CEP70: variants seen among roughly 807,000 people sequenced by gnomAD.
CEP70 encodes centrosomal protein of 70 kDa.
A neutral mutation model predicts 90.9 loss-of-function variants in CEP70; 70 were observed. That is an observed-to-expected ratio of 0.77 (90% CI 0.64 to 0.94). CEP70 has a LOEUF of 0.94. Ranked by LOEUF, CEP70 falls within the 40% of genes least tolerant of loss-of-function variation. The pLI, the probability that CEP70 is intolerant of heterozygous loss-of-function variation, is 0.00. For missense variants in CEP70, 648 were observed against 669.0 expected, an observed-to-expected ratio of 0.97 and a Z score of 0.35; for synonymous variants, 220 against 228.3, an observed-to-expected ratio of 0.96 and a Z score of 0.33.
chr3:138,561,529 T>C (rs1454061329), intron 6 of CEP70, among the ~76,000 whole-genome samples: 1 of 151,968 alleles, frequency 6.6e-6, no homozygotes, highest in Non-Finnish European at 1.5e-5. Flanking sequence ...CAAAACTGGA[T>C]GGAGAATGAG....
intron 2 of CEP70, among the ~76,000 whole-genome samples, chr3:138,589,100 T>TG (rs750290483): frequency 1.1e-4 from 16 of 152,078 alleles, no homozygotes; most frequent in Non-Finnish European, 2.4e-4. Context: ...CAAGGGAATT[T>TG]GGGGGGATGA....
intron 2 of CEP70, among the ~76,000 whole-genome samples, chr3:138,578,752 C>T (rs976506305): frequency 1.2e-4 from 18 of 152,144 alleles, no homozygotes; most frequent in African/African-American, 4.1e-4. Context: ...ACTAATTTTA[C>T]ATAAAAGTGA....
At chr3:138,533,602 CAAA>C in intron 7 of CEP70, among the ~76,000 whole-genome samples, 1 of 151,964 alleles carries the variant, frequency 6.6e-6, no homozygotes, top group East Asian at 1.9e-4. Context: ...CAACAATACA[CAAA>C]GAAGAACTGT....
chr3:138,502,450 A>G (rs1456215472), intron 13 of CEP70, among the ~76,000 whole-genome samples: 1 of 152,118 alleles, frequency 6.6e-6, no homozygotes, highest in East Asian at 1.9e-4. Flanking sequence ...TAACCTTTCA[A>G]TTGGTAGGAA....
At chr3:138,581,664 G>A (rs2041862772) in intron 2 of CEP70, among the ~76,000 whole-genome samples, 2 of 130,306 alleles carry the variant, frequency 1.5e-5, no homozygotes, top group South Asian at 2.6e-4. Context: ...GATCGCACCT[G>A]AGTCAGGGTG....
chr3:138,531,714 T>C (rs2037830462), intron 8 of CEP70: 4 of 150,554 alleles, frequency 2.7e-5, no homozygotes, highest in Admixed American at 2.6e-4. Context: ...TTTTTTTTTT[T>C]TGGAGTCCCC....
chr3:138,547,357 G>A (rs1203356235), intron 6 of CEP70, among the ~76,000 whole-genome samples: 1 of 152,212 alleles, frequency 6.6e-6, no homozygotes, highest in African/African-American at 2.4e-5. Flanking sequence ...TGGAACATAC[G>A]AGTTTCTGCT....
intron 6 of CEP70, among the ~76,000 whole-genome samples, chr3:138,540,181 C>G (rs1265446281): frequency 1.3e-5 from 2 of 151,968 alleles, no homozygotes; most frequent in African/African-American, 4.8e-5. Flanking sequence ...ATTATACATG[C>G]AGCCAACAAG....
intron 6 of CEP70, among the ~76,000 whole-genome samples, chr3:138,562,464 G>C (rs945468019): frequency 6.6e-6 from 1 of 152,154 alleles, no homozygotes; most frequent in Non-Finnish European, 1.5e-5. Flanking sequence ...AGAGAAAAAG[G>C]TTGGGGTTAC....
intron 6 of CEP70, among the ~76,000 whole-genome samples, chr3:138,565,782 A>G (rs2040741818): frequency 6.6e-6 from 1 of 152,234 alleles, no homozygotes; most frequent in Admixed American, 6.5e-5. Flanking sequence ...CTTCATGACT[A>G]AAACACCAAA....
At chr3:138,523,085 A>T (rs1233479645) in intron 11 of CEP70, among the ~76,000 whole-genome samples, 1 of 152,198 alleles carries the variant, frequency 6.6e-6, no homozygotes, top group African/African-American at 2.4e-5. Flanking sequence ...CAAATCAATA[A>T]ATGTAATCCG....
chr3:138,508,500 T>G lies in CEP70; in HGVS notation c.989A>C (p.Lys330Thr). Residue 330 changes from lysine (K) to threonine (T), a missense_variant, in exon 12 of 18, where the codon AAG (lysine) becomes ACG (threonine). Transcript: ENST00000264982. ...ATTATATTTGCTGGGCTCATCTTTC[T>G]TCTCTGTGTCCTCAGCCTTCTTATG... ...INHKKAEDTEKKDEPSKYNQQ... is the reference protein window; with the variant it reads ...INHKKAEDTETKDEPSKYNQQ... The G allele has an allele frequency of 3.7e-6, 6 of 1,612,976 alleles. No individual in the cohort carries two copies. Among genetic ancestry groups the G allele is most frequent in the Non-Finnish European group, 5.1e-6 (6 of 1,179,088 alleles).
chr3:138,516,864 T>C (rs1279443492), intron 11 of CEP70, among the ~76,000 whole-genome samples: 2 of 152,198 alleles, frequency 1.3e-5, no homozygotes, highest in African/African-American at 4.8e-5. Context: ...TCAAAATATG[T>C]CATCCCAACA....
rs200412030 is a variant in CEP70 at position 138,500,772 on chromosome 3, A to G, written c.1331T>C (p.Val444Ala). 11 of 1,605,228 alleles carry G rather than the reference A, an allele frequency of 6.9e-6. No individual in the cohort carries two copies. The highest frequency in any genetic ancestry group is 8.5e-6 in the Non-Finnish European group (10 of 1,175,224). The change falls in exon 14 of 18, where the codon GTA becomes GCA. Residue 444 changes from valine to alanine, a missense_variant. Physicochemically the swap from Val to Ala is moderately conservative, Grantham distance 64. Coordinates refer to ENST00000264982, the MANE Select transcript of CEP70 (RefSeq NM_024491.4). ...GIKVEDLLFI[V>A]DTMLEEVENK... ...TTCAACTTCTTCCAGCATAGTATCT[A>G]CTATAAACAACAAATCTTCAACTTT...
chr3:138,574,689 TAGGGCCCGACTGACACCTCATACAGCC>T (rs1006824961), intron 2 of CEP70, among the ~76,000 whole-genome samples: 3 of 152,134 alleles, frequency 2.0e-5, no homozygotes, highest in Non-Finnish European at 4.4e-5. Context: ...CACCTCCCAG[TAGGGCCCGACTGACACCTCATACAGCC>T]AGGTGCCCCT....
intron 5 of CEP70, 141 bp from the exon 6 acceptor site, chr3:138,570,639 C>G (rs1376736850): frequency 1.5e-6 from 1 of 653,516 alleles, no homozygotes; most frequent in Non-Finnish European, 2.5e-6. Context: ...AGAAGTGATT[C>G]ATATTTCAGA....
intron 2 of CEP70, among the ~76,000 whole-genome samples, chr3:138,585,833 A>G (rs373521943): frequency 1.2e-3 from 177 of 152,310 alleles, no homozygotes; most frequent in African/African-American, 4.2e-3. Context: ...ATCCATATGC[A>G]GAAGAATGGA....
intron 6 of CEP70, among the ~76,000 whole-genome samples, chr3:138,555,859 T>C (rs1253760693): frequency 6.6e-6 from 1 of 152,152 alleles, no homozygotes; most frequent in African/African-American, 2.4e-5. Flanking sequence ...AGTGTGGAGA[T>C]TCATTAAAGA....
chr3:138,503,814 A>G, intron 13 of CEP70, among the ~76,000 whole-genome samples: 1 of 152,176 alleles, frequency 6.6e-6, no homozygotes, highest in East Asian at 1.9e-4. Context: ...ACTCTAGAGC[A>G]CAAGTTATCT....
Sources: gnomAD v4.1 joint callset for allele counts (sites outside exome capture counted in the v4.1 genomes callset) on GRCh38, gnomAD v4.1.1 for gene constraint, MANE v1.5 for transcripts, NCBI Gene and HGNC (gene_info 2026-07-23, HGNC 2026-07-21) for gene names.